OGN: variants seen among roughly 807,000 people sequenced by gnomAD.
OGN encodes the protein mimecan.
In OGN, 19 loss-of-function variants were observed where a neutral mutation model predicts 30.8. The ratio of observed to expected loss-of-function variants is 0.62; its 90% confidence interval spans 0.43 to 0.90. The LOEUF is 0.90. Ranked by LOEUF, OGN falls within the 40% of genes least tolerant of loss-of-function variation. OGN has a pLI of 0.00. For missense variants in OGN, 283 were observed against 349.7 expected, an observed-to-expected ratio of 0.81 and a Z score of 1.52; for synonymous variants, 126 against 128.3, an observed-to-expected ratio of 0.98 and a Z score of 0.12.
At chr9:92,386,004 T>A (rs142519348) in intron 6 of OGN, among the ~76,000 whole-genome samples, 197 bp downstream of exon 6, 24 of 152,220 alleles carry the variant, frequency 1.6e-4, no homozygotes, top group African/African-American at 5.8e-4. Flanking sequence ...CTTGTTATGC[T>A]CTGGATGGAA....
At chr9:92,393,900 C>T (rs1353490965) in intron 3 of OGN, among the ~76,000 whole-genome samples, 1 of 151,956 alleles carries the variant, frequency 6.6e-6, no homozygotes, top group Non-Finnish European at 1.5e-5. Flanking sequence ...TGCTGTGTGT[C>T]CAAAAGCACA....
intron 3 of OGN, among the ~76,000 whole-genome samples, chr9:92,397,777 C>G (rs1232956143): frequency 6.6e-6 from 1 of 152,152 alleles, no homozygotes; most frequent in Admixed American, 6.5e-5. Context: ...GTCTCTTTCT[C>G]CACAGATAAT....
intron 3 of OGN, among the ~76,000 whole-genome samples, chr9:92,394,408 A>ATTTT (rs34978081): frequency 7.6e-6 from 1 of 130,954 alleles, no homozygotes; most frequent in Non-Finnish European, 1.6e-5. Flanking sequence ...ACACATGGCT[A>ATTTT]TTTTTTTTTT....
intron 3 of OGN, among the ~76,000 whole-genome samples, chr9:92,397,271 T>G (rs1335765790): frequency 6.6e-6 from 1 of 152,166 alleles, no homozygotes; most frequent in Non-Finnish European, 1.5e-5. Context: ...CCTTGCATTT[T>G]TCCTGCCCCA....
intron 4 of OGN, among the ~76,000 whole-genome samples, chr9:92,391,844 T>A (rs1187022521): frequency 1.3e-5 from 2 of 152,178 alleles, no homozygotes; most frequent in Non-Finnish European, 2.9e-5. Context: ...CAATGTGTAT[T>A]AATTTTGGGG....
rs1842381201 is a variant in OGN, at chr9:92,385,464, A to C, written c.*156T>G. On this transcript the variant is annotated 3_prime_UTR_variant, in exon 7 of 7. Coordinates refer to ENST00000375561, the MANE Select transcript of OGN (RefSeq NM_014057.5). ...CATTCAGTCTTACTTTTTACTTATT[A>C]TATGTAAGATTTTGAACATCCTTGC... The C allele has an allele frequency of 4.9e-6, 3 of 613,760 alleles. No homozygotes were observed. The highest frequency in any genetic ancestry group is 6.8e-5 in the Admixed American group (2 of 29,306). 38.0% of individuals were successfully genotyped at this position (613,760 alleles called of 1,614,324 possible).
chr9:92,403,570 A>C, intron 1 of OGN, 88 bp from the exon 2 acceptor site: 1 of 1,293,940 alleles, frequency 7.7e-7, no homozygotes, highest in Non-Finnish European at 9.8e-7. Flanking sequence ...GCCAGAGAAC[A>C]GTATTTAACC....
At chr9:92,394,193 T>G (rs10992321) in intron 3 of OGN, among the ~76,000 whole-genome samples, 15 of 152,144 alleles carry the variant, frequency 9.9e-5, no homozygotes, top group Non-Finnish European at 1.6e-4. Flanking sequence ...CTTCTTATTT[T>G]TATATCAATA....
At position 92,384,116 on chromosome 9, in the gene OGN, C is replaced by G. The variant is rs538489339; in HGVS notation, c.*1504G>C. 1.3e-4 allele frequency: 20 copies of G among 152,162 alleles called. No individual in the cohort carries two copies. In the South Asian group the frequency reaches 3.7e-3, roughly 28 times the overall value. 9.4% of individuals were successfully genotyped at this position (152,162 alleles called of 1,614,324 possible). On this transcript the variant is annotated 3_prime_UTR_variant, in exon 7 of 7. Transcript: ENST00000375561. Reference sequence around the variant, plus strand: ...AAGTCAGGGAAATGAGGCATGCACACAAAATAACGAGAAAGTAGTATAATA... The same window carrying G: ...AAGTCAGGGAAATGAGGCATGCACAGAAAATAACGAGAAAGTAGTATAATA...
chr9:92,384,266 G>C lies in OGN; in HGVS notation c.*1354C>G, dbSNP rs1189596816. 2 of 152,032 alleles carry C rather than the reference G, an allele frequency of 1.3e-5. No homozygotes were observed. The highest frequency in any genetic ancestry group is 6.6e-5 in the Admixed American group (1 of 15,260). 9.4% of individuals were successfully genotyped at this position (152,032 alleles called of 1,614,324 possible). The stretch of plus-strand genomic sequence containing the variant: ...ATCTTGAGGTCAACTTTGACAAATG[G>C]GGAGATAACTGAAAAACATCTGACA... On this transcript the variant is annotated 3_prime_UTR_variant, in exon 7 of 7. Transcript: ENST00000375561.
chr9:92,391,075 G>T (rs1255277822), intron 4 of OGN, among the ~76,000 whole-genome samples: 1 of 151,524 alleles, frequency 6.6e-6, no homozygotes, highest in East Asian at 1.9e-4. Flanking sequence ...GACCAGCCTG[G>T]CCAACACAGC....
intron 3 of OGN, among the ~76,000 whole-genome samples, chr9:92,394,707 C>G (rs748802450): frequency 6.6e-6 from 1 of 151,724 alleles, no homozygotes; most frequent in Non-Finnish European, 1.5e-5. Flanking sequence ...CGGGTTCAAG[C>G]AATTCTCCTG....
At position 92,385,914 on chromosome 9, in the gene OGN, A is replaced by G. The variant is rs955673332; in HGVS notation, c.727-124T>C. 2.9e-5 allele frequency: 25 copies of G among 854,568 alleles called. No homozygotes were observed. The African/African-American group carries it at 3.9e-4, about 13-fold the overall frequency. The allele number at this position is 854,568 out of a possible 1,614,324, so 52.9% of individuals were successfully genotyped here. On this transcript the variant is annotated intron_variant, in intron 6 of 6. Transcript: ENST00000375561. ...CCCCTCACTTCAAATCCTTGTGTCA[A>G]ATTAATTAGGAAATACTCAAATGTA...
intron 3 of OGN, among the ~76,000 whole-genome samples, chr9:92,397,382 C>T (rs1422143079): frequency 6.6e-6 from 1 of 152,104 alleles, no homozygotes. Context: ...GGCTGGAGTG[C>T]AGTGGTGCCA....
chr9:92,393,734 A>G (rs1028696499), intron 3 of OGN, among the ~76,000 whole-genome samples: 2 of 151,940 alleles, frequency 1.3e-5, no homozygotes, highest in Non-Finnish European at 2.9e-5. Context: ...CTCTTGGAAC[A>G]TTCCTTAGTC....
At chr9:92,390,966 G>A (rs1187364805) in intron 4 of OGN, among the ~76,000 whole-genome samples, 1 of 152,128 alleles carries the variant, frequency 6.6e-6, no homozygotes, top group Non-Finnish European at 1.5e-5. Context: ...GTTGGGTCAT[G>A]TTAAACAGCA....
At chr9:92,400,264 C>T (rs944226229) in intron 3 of OGN, among the ~76,000 whole-genome samples, 1 of 152,178 alleles carries the variant, frequency 6.6e-6, no homozygotes, top group African/African-American at 2.4e-5. Flanking sequence ...AATTCTCTGC[C>T]TCAGCTTCCC....
intron 4 of OGN, among the ~76,000 whole-genome samples, chr9:92,390,303 C>G (rs1355554991): frequency 6.6e-6 from 1 of 152,074 alleles, no homozygotes; most frequent in African/African-American, 2.4e-5. Flanking sequence ...TAAAGTTAAT[C>G]GAGTCTTTTC....
intron 3 of OGN, among the ~76,000 whole-genome samples, chr9:92,396,212 G>A (rs2130912763): frequency 6.6e-6 from 1 of 152,196 alleles, no homozygotes; most frequent in Admixed American, 6.5e-5. Flanking sequence ...TTGTTCTGGT[G>A]ACCCACTTTA....
Sources: allele counts gnomAD v4.1 joint callset (sites outside exome capture counted in the v4.1 genomes callset), GRCh38; gene constraint gnomAD v4.1.1; transcripts MANE v1.5; gene names NCBI Gene and HGNC (gene_info 2026-07-23, HGNC 2026-07-21).